CACNB2: variants seen among roughly 807,000 people sequenced by gnomAD.
CACNB2 encodes the protein voltage-dependent L-type calcium channel subunit beta-2.
A neutral mutation model predicts 73.3 loss-of-function variants in CACNB2; 42 were observed. The observed-to-expected ratio is 0.57, with a 90% CI of 0.45 to 0.74. The LOEUF is 0.74. Ranked by LOEUF, CACNB2 falls within the 30% of genes least tolerant of loss-of-function variation. The pLI, the probability that CACNB2 is intolerant of heterozygous loss-of-function variation, is 0.00. For missense variants in CACNB2, 940 were observed against 853.0 expected, an observed-to-expected ratio of 1.10 and a Z score of -1.27; for synonymous variants, 348 against 310.3, an observed-to-expected ratio of 1.12 and a Z score of -1.28.
At chr10:18,384,542 G>A (rs751968180) in intron 2 of CACNB2, among the ~76,000 whole-genome samples, 2 of 151,914 alleles carry the variant, frequency 1.3e-5, no homozygotes, top group African/African-American at 2.4e-5. Flanking sequence ...CCTGGGCAAC[G>A]TGGTGAAACC....
At chr10:18,237,629 G>A (rs2036497791) in intron 2 of CACNB2, among the ~76,000 whole-genome samples, 1 of 152,178 alleles carries the variant, frequency 6.6e-6, no homozygotes, top group Non-Finnish European at 1.5e-5. Flanking sequence ...AGCTGTGGCA[G>A]CCCCAGGAAA....
At chr10:18,314,565 T>C (rs966278981) in intron 2 of CACNB2, among the ~76,000 whole-genome samples, 3 of 152,130 alleles carry the variant, frequency 2.0e-5, no homozygotes, top group Admixed American at 6.5e-5. Context: ...ACAGTTCATC[T>C]TCCCACATTT....
chr10:18,369,162 C>G (rs1030709772), intron 2 of CACNB2, among the ~76,000 whole-genome samples: 3 of 152,170 alleles, frequency 2.0e-5, no homozygotes, highest in Non-Finnish European at 4.4e-5. Context: ...AAAATTGCCT[C>G]TGGTAATTCT....
In CACNB2 at chr10:18,220,227, A is replaced by AGGG. The variant is rs1564353826; in HGVS notation, c.213+69252_213+69253insGGG. Among the ~76,000 whole-genome samples the AGGG allele has an allele frequency of 1.3e-3, 66 of 51,702 alleles. 1 individual carries two copies. The highest frequency in any genetic ancestry group is 1.5e-3 in the Non-Finnish European group (51 of 33,004). The allele number at this position is 51,702 out of a possible 152,430, so 33.9% of individuals were successfully genotyped here. ...TATATATATATATATATATATATAT[A>AGGG]TATATAGAGAGAGAGAGAGAGAGAG... On this transcript the variant is annotated intron_variant, in intron 2 of 13. Coordinates refer to ENST00000324631, the MANE Select transcript of CACNB2 (RefSeq NM_201596.3).
chr10:18,331,158 G>A (rs2040788345), intron 2 of CACNB2, among the ~76,000 whole-genome samples: 1 of 152,006 alleles, frequency 6.6e-6, no homozygotes, highest in Admixed American at 6.6e-5. Context: ...GCTAATTTTT[G>A]TATTTTTAGT....
chr10:18,381,525 T>C (rs1021157503), intron 2 of CACNB2, among the ~76,000 whole-genome samples: 8 of 151,644 alleles, frequency 5.3e-5, no homozygotes, highest in African/African-American at 1.9e-4. Context: ...CCGTCTCTAC[T>C]AAAAATACAA....
intron 12 of CACNB2, among the ~76,000 whole-genome samples, chr10:18,536,672 G>C (rs1199540501): frequency 6.6e-6 from 1 of 152,098 alleles, no homozygotes; most frequent in Non-Finnish European, 1.5e-5. Context: ...CTCCTTCCAT[G>C]ATCATGTGTT....
chr10:18,241,583 T>TA lies in CACNB2; in HGVS notation c.213+90618dup, dbSNP rs200306547. 5.8e-4 allele frequency among the ~76,000 whole-genome samples: 85 copies of TA among 146,424 alleles called. 1 individual carries two copies. The highest frequency in any genetic ancestry group is 1.1e-3 in the South Asian group (5 of 4,640). On this transcript the variant is annotated intron_variant, in intron 2 of 13. Coordinates refer to ENST00000324631, the MANE Select transcript of CACNB2 (RefSeq NM_201596.3). ...ATGTACCCCAGAACTTGAAGTATAT[T>TA]AAAAAAAAAAGATACATACAGGTGA...
chr10:18,225,596 C>T lies in CACNB2; in HGVS notation c.213+74621C>T, dbSNP rs183683442. 4.4e-5 allele frequency among the ~76,000 whole-genome samples: 5 copies of T among 113,810 alleles called. No homozygotes were observed. The Admixed American group carries it at 5.5e-4, about 12-fold the overall frequency. The allele number at this position is 113,810 out of a possible 152,430, so 74.7% of individuals were successfully genotyped here. A position where few individuals can be genotyped will look rare whatever the true frequency, so the allele number is the denominator to read the frequency against. ...TCCCTCGCTCCTTCCTTCCTTCCTTCCTTCCTTTCTTCCGTCGTTTCTTCC... is the reference window on the plus strand; with the variant it reads ...TCCCTCGCTCCTTCCTTCCTTCCTTTCTTCCTTTCTTCCGTCGTTTCTTCC... On this transcript the variant is annotated intron_variant, in intron 2 of 13. Transcript: ENST00000324631.
chr10:18,527,581 C>CCAA lies in CACNB2; in HGVS notation c.945-4_945-2dup. On this transcript the variant is annotated splice_region_variant and splice_polypyrimidine_tract_variant and intron_variant, in intron 9 of 13. Coordinates refer to ENST00000324631, the MANE Select transcript of CACNB2 (RefSeq NM_201596.3). The stretch of plus-strand genomic sequence containing the variant: ...TTAAGGTCTTCTGTGACTTTTTCCT[C>CCAA]CAACAGGATATCCATCACAAGGGTC... 1 of 1,604,152 alleles carries CCAA rather than the reference C, an allele frequency of 6.2e-7. No individual in the cohort carries two copies. Among genetic ancestry groups the CCAA allele is most frequent in the South Asian group, 1.1e-5 (1 of 90,874 alleles).
At chr10:18,481,192 C>CAATA (rs1228539443) in intron 3 of CACNB2, among the ~76,000 whole-genome samples, 1 of 36,700 alleles carries the variant, frequency 2.7e-5, no homozygotes, top group Non-Finnish European at 4.4e-5. Context: ...TACATCTTCG[C>CAATA]TATATATATA....
chr10:18,531,832 T>C (rs2053062449), intron 10 of CACNB2: 1 of 104,806 alleles, frequency 9.5e-6, no homozygotes, highest in South Asian at 3.7e-4. Flanking sequence ...ATTAGAGATA[T>C]AAAGCATAGA....
At chr10:18,287,593 G>A (rs1281634416) in intron 2 of CACNB2, among the ~76,000 whole-genome samples, 1 of 152,166 alleles carries the variant, frequency 6.6e-6, no homozygotes, top group Non-Finnish European at 1.5e-5. Flanking sequence ...GCTCACGCCT[G>A]TAATCCCAGC....
chr10:18,294,973 G>C (rs1351170294), intron 2 of CACNB2, among the ~76,000 whole-genome samples: 2 of 152,226 alleles, frequency 1.3e-5, no homozygotes, highest in African/African-American at 4.8e-5. Flanking sequence ...AGGGGGCAGA[G>C]CACTGCAGAC....
intron 2 of CACNB2, among the ~76,000 whole-genome samples, chr10:18,391,941 A>G (rs548000727): frequency 1.4e-3 from 214 of 151,704 alleles, no homozygotes; most frequent in African/African-American, 4.9e-3. Flanking sequence ...AAAAAAAAAA[A>G]AAAAGAAGGT....
At chr10:18,462,132 C>T (rs2047613496) in intron 3 of CACNB2, among the ~76,000 whole-genome samples, 1 of 152,164 alleles carries the variant, frequency 6.6e-6, no homozygotes, top group Non-Finnish European at 1.5e-5. Flanking sequence ...TAATCTTTCT[C>T]CAGAGCTTTG....
intron 6 of CACNB2, among the ~76,000 whole-genome samples, chr10:18,508,697 A>G (rs538555721): frequency 6.6e-6 from 1 of 152,328 alleles, no homozygotes; most frequent in South Asian, 2.1e-4. Context: ...CCCATCATAA[A>G]TAGAAAATAT....
chr10:18,150,853 G>GTTTTTTTTTTTTTTTTTTTTT (rs756678637), intron 1 of CACNB2, 30 bp from the exon 2 acceptor site: 3 of 655,474 alleles, frequency 4.6e-6, no homozygotes, highest in East Asian at 6.3e-5. Context: ...AATCTTATTT[G>GTTTTTTTTTTTTTTTTTTTTT]TCTTTTTTTT....
intron 2 of CACNB2, among the ~76,000 whole-genome samples, chr10:18,315,526 A>AAAACATTTTTTTTTTTTTTAATT (rs1554791257): frequency 3.3e-5 from 4 of 121,824 alleles, no homozygotes; most frequent in African/African-American, 6.1e-5. Context: ...AAAAAAAAAA[A>AAAACATTTTTTTTTTTTTTAATT]AACTTTTTTT....
Sources: gnomAD v4.1 joint callset for allele counts (sites outside exome capture counted in the v4.1 genomes callset) on GRCh38, gnomAD v4.1.1 for gene constraint, MANE v1.5 for transcripts, NCBI Gene and HGNC (gene_info 2026-07-23, HGNC 2026-07-21) for gene names.